GALNT18: variants seen among roughly 807,000 people sequenced by gnomAD.
The protein encoded by GALNT18 is GalNAc-transferase 18.
A neutral mutation model predicts 69.5 loss-of-function variants in GALNT18; 44 were observed. The ratio of observed to expected loss-of-function variants is 0.63; its 90% confidence interval spans 0.50 to 0.81. The LOEUF is 0.81. GALNT18 is among the 40% of genes least tolerant of loss of function. The pLI is 0.00. For synonymous variants in GALNT18, 364 were observed against 318.2 expected, an observed-to-expected ratio of 1.14 and a Z score of -1.53; for missense variants, 715 against 810.0, an observed-to-expected ratio of 0.88 and a Z score of 1.42.
At chr11:11,486,930 C>T (rs887781447) in intron 1 of GALNT18, among the ~76,000 whole-genome samples, 1 of 152,204 alleles carries the variant, frequency 6.6e-6, no homozygotes, top group African/African-American at 2.4e-5. Context: ...TCTCCCTCAC[C>T]ACTTGACCTG....
chr11:11,272,953 A>C (rs1418582397), intron 10 of GALNT18, among the ~76,000 whole-genome samples: 1 of 152,250 alleles, frequency 6.6e-6, no homozygotes, highest in Admixed American at 6.5e-5. Flanking sequence ...TGGGGAAAGG[A>C]CAGTCTTTTC....
Position 11,413,430 on chromosome 11 carries a change from A to T in GALNT18, c.595+19191T>A, listed in dbSNP as rs1373738728. Among the ~76,000 whole-genome samples the T allele has an allele frequency of 6.6e-6, 1 of 152,166 alleles. No individual in the cohort carries two copies. The highest frequency in any genetic ancestry group is 1.9e-4 in the East Asian group (1 of 5,194). Reference sequence around the variant, plus strand: ...TCTGGGGAGGTGATTTTAATCAGGGATTTGATCATCCTACGGACGATTCCT... The same window carrying T: ...TCTGGGGAGGTGATTTTAATCAGGGTTTTGATCATCCTACGGACGATTCCT... On this transcript the variant is annotated intron_variant, in intron 3 of 10. Transcript: ENST00000227756. This position sits in a 1 kb window ranked among gnomAD's most constrained non-coding sequence, Gnocchi z 4.7.
intron 6 of GALNT18, among the ~76,000 whole-genome samples, chr11:11,357,206 A>T (rs1435845073): frequency 6.6e-6 from 1 of 152,170 alleles, no homozygotes; most frequent in African/African-American, 2.4e-5. Flanking sequence ...TGGGAATTTC[A>T]GGCCCTACAG....
chr11:11,358,669 G>A (rs1328763180), intron 6 of GALNT18, among the ~76,000 whole-genome samples: 1 of 139,844 alleles, frequency 7.2e-6, no homozygotes, highest in African/African-American at 2.7e-5. Flanking sequence ...CTTGGTCTCA[G>A]AAGACCACAT....
rs1242915783 is a variant in GALNT18 at position 11,372,654 on chromosome 11, G to C, written c.978-25C>G. ...CCTGCAGGGGCAGGGGAGAGCAGAA[G>C]GGCTGTCTGGTGCAGCTGTCCGAGG... On this transcript the variant is annotated intron_variant, in intron 5 of 10. Coordinates refer to ENST00000227756, the MANE Select transcript of GALNT18 (RefSeq NM_198516.3). This position sits in a 1 kb window ranked among gnomAD's most constrained non-coding sequence, Gnocchi z 4.9. 7.0e-6 allele frequency: 11 copies of C among 1,582,004 alleles called. No individual in the cohort carries two copies. Among genetic ancestry groups the C allele is most frequent in the Non-Finnish European group, 9.5e-6 (11 of 1,151,992 alleles).
chr11:11,621,753 G>A lies in GALNT18; in HGVS notation c.-160C>T. On this transcript the variant is annotated 5_prime_UTR_variant, in exon 1 of 11. Transcript: ENST00000227756. This position sits in a 1 kb window ranked among gnomAD's most constrained non-coding sequence, Gnocchi z 9.3. ...AGCCCGGTCCGCTGCCGGTGTAGCC[G>A]CCGTGCCCAAGTTTGCAGCTCCTGC... 3.3e-6 allele frequency: 2 copies of A among 609,484 alleles called. No individual in the cohort carries two copies. The highest frequency in any genetic ancestry group is 5.8e-6 in the Non-Finnish European group (2 of 346,034). The allele number at this position is 609,484 out of a possible 1,614,324, so 37.8% of individuals were successfully genotyped here. A position where few individuals can be genotyped will look rare whatever the true frequency, so the allele number is the denominator to read the frequency against.
At chr11:11,392,478 G>A (rs1359257874) in intron 3 of GALNT18, among the ~76,000 whole-genome samples, 1 of 152,166 alleles carries the variant, frequency 6.6e-6, no homozygotes, top group East Asian at 1.9e-4. Flanking sequence ...AACTAGCTGG[G>A]TGTGGTAGCG....
chr11:11,382,778 T>G lies in GALNT18; in HGVS notation c.596-3514A>C, dbSNP rs1853950941. Among the ~76,000 whole-genome samples the G allele has an allele frequency of 6.6e-6, 1 of 152,210 alleles. No individual in the cohort carries two copies. Among genetic ancestry groups the G allele is most frequent in the Non-Finnish European group, 1.5e-5 (1 of 68,046 alleles). ...CTATCTTTAATTAATTTTTTGAAAT[T>G]TCTATAAATAACATTTAATAAAGTG... On this transcript the variant is annotated intron_variant, in intron 3 of 10. Transcript: ENST00000227756. This position sits in a 1 kb window ranked among gnomAD's most constrained non-coding sequence, Gnocchi z 4.3.
chr11:11,493,654 A>C (rs1342635232), intron 1 of GALNT18, among the ~76,000 whole-genome samples: 2 of 152,172 alleles, frequency 1.3e-5, no homozygotes, highest in African/African-American at 4.8e-5. Flanking sequence ...GATTTTTTGG[A>C]AAAAAAGCCA....
At chr11:11,427,959 G>C (rs1394025183) in intron 3 of GALNT18, among the ~76,000 whole-genome samples, 1 of 152,158 alleles carries the variant, frequency 6.6e-6, no homozygotes, top group Non-Finnish European at 1.5e-5. Flanking sequence ...CCAGAAAGCA[G>C]CAGAACCGAG....
intron 3 of GALNT18, among the ~76,000 whole-genome samples, chr11:11,379,609 G>T (rs1406762472): frequency 6.6e-6 from 1 of 152,184 alleles, no homozygotes; most frequent in Non-Finnish European, 1.5e-5. Context: ...GCTTGTGAGT[G>T]GCACAGTCCA....
At chr11:11,375,049 G>A (rs1167733492) in intron 5 of GALNT18, among the ~76,000 whole-genome samples, 4 of 152,178 alleles carry the variant, frequency 2.6e-5, no homozygotes, top group Admixed American at 2.0e-4. Flanking sequence ...TTTCTTAATG[G>A]GGTCACCTGG....
At chr11:11,554,385 G>T (rs1045238714) in intron 1 of GALNT18, among the ~76,000 whole-genome samples, 1 of 151,636 alleles carries the variant, frequency 6.6e-6, no homozygotes, top group Admixed American at 6.6e-5. Flanking sequence ...GGCACAGGTA[G>T]CCTCAGGGAC....
chr11:11,325,998 T>C (rs939673199), intron 9 of GALNT18, among the ~76,000 whole-genome samples: 1 of 152,136 alleles, frequency 6.6e-6, no homozygotes, highest in African/African-American at 2.4e-5. Flanking sequence ...AACCCTCTTT[T>C]AATTGTAATT....
intron 1 of GALNT18, among the ~76,000 whole-genome samples, chr11:11,515,098 C>G (rs972964101): frequency 6.6e-6 from 1 of 152,180 alleles, no homozygotes. Context: ...AGCTGCGGGT[C>G]TTTGAGCAAG....
chr11:11,366,373 AT>A (rs1247148808), intron 6 of GALNT18, among the ~76,000 whole-genome samples: 20 of 152,180 alleles, frequency 1.3e-4, no homozygotes, highest in Non-Finnish European at 2.6e-4. Flanking sequence ...GTGTGGTAGT[AT>A]TTTTATGTAC....
chr11:11,494,489 C>G lies in GALNT18; in HGVS notation c.236-45553G>C, dbSNP rs140443139. On this transcript the variant is annotated intron_variant, in intron 1 of 10. Transcript: ENST00000227756. The surrounding 1 kb of genome is among the most constrained non-coding windows in gnomAD (Gnocchi z 5.7). ...TGTCCTGCAAAGCTCAGCTCAAACT[C>G]GCCATCTCTTCCACAGCACTGACTG... 7.0e-4 allele frequency among the ~76,000 whole-genome samples: 107 copies of G among 152,336 alleles called. No individual in the cohort carries two copies. Among genetic ancestry groups the G allele is most frequent in the African/African-American group, 2.5e-3 (102 of 41,570 alleles).
Position 11,358,140 on chromosome 11 carries a change from G to A in GALNT18, c.1092+14375C>T, listed in dbSNP as rs947299917. On this transcript the variant is annotated intron_variant, in intron 6 of 10. Transcript: ENST00000227756. ...GTTTTCAGAAATGGTCACATAGAGG[G>A]CACCTGATCCCATTGTCTTACCTCA... Among the ~76,000 whole-genome samples the A allele has an allele frequency of 1.3e-4, 12 of 92,404 alleles. 1 individual carries two copies. Among genetic ancestry groups the A allele is most frequent in the East Asian group, 2.0e-4 (1 of 4,958 alleles). The allele number at this position is 92,404 out of a possible 152,430, so 60.6% of individuals were successfully genotyped here.
rs548030667 is a variant in GALNT18 at position 11,315,323 on chromosome 11, G to T, written c.1512+11763C>A. ...TCCTTTCAGTGGTGCCATCAGGAAA[G>T]AGTGAGACTGCAGGCTGGATTAATG... On this transcript the variant is annotated intron_variant, in intron 9 of 10. Coordinates refer to ENST00000227756, the MANE Select transcript of GALNT18 (RefSeq NM_198516.3). The surrounding 1 kb of genome is among the most constrained non-coding windows in gnomAD (Gnocchi z 5.6). Among the ~76,000 whole-genome samples the T allele has an allele frequency of 6.6e-6, 1 of 152,280 alleles. No individual in the cohort carries two copies. Among genetic ancestry groups the T allele is most frequent in the African/African-American group, 2.4e-5 (1 of 41,550 alleles).
Sources: allele counts gnomAD v4.1 joint callset (sites outside exome capture counted in the v4.1 genomes callset), GRCh38; gene constraint gnomAD v4.1.1; non-coding constraint Gnocchi (gnomAD v3.1); transcripts MANE v1.5; gene names NCBI Gene and HGNC (gene_info 2026-07-23, HGNC 2026-07-21).